Variants in MICU1 observed in about 807,000 individuals in gnomAD.
The protein encoded by MICU1 is mitochondrial calcium uptake 1, also known as calcium uptake protein 1, mitochondrial.
A neutral mutation model predicts 56.8 loss-of-function variants in MICU1; 45 were observed. The ratio of observed to expected loss-of-function variants is 0.79; its 90% CI spans 0.62 to 1.02. MICU1 has a LOEUF of 1.02. Ranked by LOEUF, MICU1 falls within the 50% of genes least tolerant of loss-of-function variation. The pLI is 0.00. For missense variants in MICU1, 504 were observed against 587.1 expected, an observed-to-expected ratio of 0.86 and a Z score of 1.46; for synonymous variants, 186 against 195.1, an observed-to-expected ratio of 0.95 and a Z score of 0.39.
At chr10:72,524,428 CAATT>C (rs1867909777) in intron 5 of MICU1, among the ~76,000 whole-genome samples, 2 of 152,108 alleles carry the variant, frequency 1.3e-5, no homozygotes, top group African/African-American at 2.4e-5. Context: ...TTAAGTGACT[CAATT>C]AATTAAGTAT....
chr10:72,487,415 T>C, intron 6 of MICU1, among the ~76,000 whole-genome samples: 1 of 152,186 alleles, frequency 6.6e-6, no homozygotes, highest in Admixed American at 6.5e-5. Context: ...ATCAAGTTCT[T>C]AAAGCATTTC....
intron 1 of MICU1, among the ~76,000 whole-genome samples, chr10:72,601,536 T>C (rs1841535050): frequency 6.6e-6 from 1 of 151,764 alleles, no homozygotes; most frequent in South Asian, 2.1e-4. Flanking sequence ...TCTGCATGTG[T>C]AGGAAAAGAA....
intron 5 of MICU1, among the ~76,000 whole-genome samples, chr10:72,513,157 T>C (rs911392968): frequency 1.3e-5 from 2 of 152,116 alleles, no homozygotes; most frequent in African/African-American, 4.8e-5. Flanking sequence ...ACAGCACCAT[T>C]TACATTCCCA....
intron 8 of MICU1, among the ~76,000 whole-genome samples, chr10:72,463,810 A>G (rs1352607058): frequency 2.0e-5 from 3 of 152,210 alleles, no homozygotes; most frequent in Non-Finnish European, 4.4e-5. Flanking sequence ...CTTAGACCAC[A>G]CGCATCATCA....
rs149910826 is a variant in MICU1, at chr10:72,497,922, G to A, written c.652+10233C>T. Among the ~76,000 whole-genome samples, 437 of 152,268 alleles carry A rather than the reference G, an allele frequency of 2.9e-3. 3 individuals are homozygous for A. Among genetic ancestry groups the A allele is most frequent in the African/African-American group, 9.9e-3 (411 of 41,558 alleles). On this transcript the variant is annotated intron_variant, in intron 6 of 11. Transcript: ENST00000361114. The stretch of plus-strand genomic sequence containing the variant: ...ATATCAGGTGCTCTGGAAATACAAA[G>A]CCATATGACATAGTTCCCACTTCAA...
At chr10:72,547,096 T>C (rs796828362) in intron 4 of MICU1, among the ~76,000 whole-genome samples, 1 of 152,078 alleles carries the variant, frequency 6.6e-6, no homozygotes, top group African/African-American at 2.4e-5. Context: ...GGTTTCACCA[T>C]GTTAGCCAGG....
chr10:72,443,288 A>G (rs1314893074), intron 8 of MICU1, among the ~76,000 whole-genome samples: 1 of 152,108 alleles, frequency 6.6e-6, no homozygotes, highest in African/African-American at 2.4e-5. Context: ...TCAGATGAGT[A>G]GGTTGCGAAA....
intron 5 of MICU1, chr10:72,532,756 C>T (rs576413450): frequency 1.8e-6 from 1 of 570,692 alleles, no homozygotes; most frequent in East Asian, 1.5e-4. Flanking sequence ...CATTTTAAGG[C>T]ACTGTGCCAC....
chr10:72,521,677 A>G (rs1175508655), intron 5 of MICU1, among the ~76,000 whole-genome samples: 1 of 152,098 alleles, frequency 6.6e-6, no homozygotes. Context: ...ATGAATCATT[A>G]TATGTTACAT....
intron 3 of MICU1, among the ~76,000 whole-genome samples, chr10:72,554,466 T>C (rs1462700806): frequency 6.6e-6 from 1 of 152,160 alleles, no homozygotes; most frequent in Non-Finnish European, 1.5e-5. Flanking sequence ...ACACGCTGAA[T>C]TGCACTGAGA....
At position 72,508,538 on chromosome 10, in the gene MICU1, C is replaced by T. The variant is rs1244090503; in HGVS notation, c.538-269G>A. On this transcript the variant is annotated intron_variant, in intron 5 of 11. Coordinates refer to ENST00000361114, the MANE Select transcript of MICU1 (RefSeq NM_001195518.2). ...AGAACCCTCTGCCATTGCACATATA[C>T]AGGCCCACTTCAGAACAGGTTTTGT... 14 of 231,456 alleles carry T rather than the reference C, an allele frequency of 6.0e-5. No homozygotes were observed. In the East Asian group the frequency reaches 9.1e-4, roughly 15 times the overall value. The allele number at this position is 231,456 out of a possible 1,614,324, so 14.3% of individuals were successfully genotyped here. A position where few individuals can be genotyped will look rare whatever the true frequency, so the allele number is the denominator to read the frequency against.
intron 2 of MICU1, among the ~76,000 whole-genome samples, chr10:72,564,544 G>GAAA (rs11465166): frequency 8.4e-5 from 9 of 107,396 alleles, no homozygotes; most frequent in Middle Eastern, 5.0e-3. Flanking sequence ...ATCTCAAAAA[G>GAAA]AAAAAAAAAA....
intron 8 of MICU1, among the ~76,000 whole-genome samples, chr10:72,447,227 G>C (rs1487055363): frequency 1.3e-5 from 2 of 152,098 alleles, no homozygotes; most frequent in Non-Finnish European, 2.9e-5. Context: ...TAGGTTGAGG[G>C]ATAATAATGT....
Position 72,439,285 on chromosome 10 carries a change from A to T in MICU1, c.934-15914T>A, listed in dbSNP as rs547030357. ...AAACATAATCCATCACATAAACAGAACCAATGACAAAAACCACATGATTAT... is the reference window on the plus strand; with the variant it reads ...AAACATAATCCATCACATAAACAGATCCAATGACAAAAACCACATGATTAT... On this transcript the variant is annotated intron_variant, in intron 8 of 11. Transcript: ENST00000361114. Among the ~76,000 whole-genome samples, 10 of 152,314 alleles carry T rather than the reference A, an allele frequency of 6.6e-5. No individual in the cohort carries two copies. The East Asian group carries it at 1.9e-3, about 29-fold the overall frequency.
Position 72,418,071 on chromosome 10 carries a change from C to T in MICU1, c.1071+5163G>A, listed in dbSNP as rs1385555742. Among the ~76,000 whole-genome samples the T allele has an allele frequency of 2.6e-5, 4 of 152,112 alleles. No homozygotes were observed. In the South Asian group the frequency reaches 6.2e-4, roughly 24 times the overall value. On this transcript the variant is annotated intron_variant, in intron 9 of 11. Coordinates refer to ENST00000361114, the MANE Select transcript of MICU1 (RefSeq NM_001195518.2). ...TGAAGGGGGAAGCCTTTTATGAAACCATCAGATCTCATGAGAACTAACTCA... is the reference window on the plus strand; with the variant it reads ...TGAAGGGGGAAGCCTTTTATGAAACTATCAGATCTCATGAGAACTAACTCA...
intron 1 of MICU1, among the ~76,000 whole-genome samples, chr10:72,615,493 A>C (rs1841954779): frequency 6.6e-6 from 1 of 152,090 alleles, no homozygotes; most frequent in East Asian, 1.9e-4. Flanking sequence ...TAAAGGTTAG[A>C]TCACAGTCAA....
At chr10:72,609,300 G>A (rs138316721) in intron 1 of MICU1, among the ~76,000 whole-genome samples, 2 of 152,188 alleles carry the variant, frequency 1.3e-5, no homozygotes, top group Non-Finnish European at 2.9e-5. Context: ...AGTGGCAATA[G>A]CTGCATGACA....
intron 4 of MICU1, among the ~76,000 whole-genome samples, chr10:72,547,035 G>A (rs550493037): frequency 5.2e-4 from 79 of 152,170 alleles, no homozygotes; most frequent in Middle Eastern, 3.4e-3. Context: ...GGGACTACAG[G>A]CGCTCGCCAC....
At chr10:72,543,691 C>T (rs1038542249) in intron 4 of MICU1, among the ~76,000 whole-genome samples, 3 of 151,882 alleles carry the variant, frequency 2.0e-5, no homozygotes, top group Admixed American at 6.6e-5. Context: ...CCATCTCTAC[C>T]AAAAATACAA....
Sources: allele counts gnomAD v4.1 joint callset (sites outside exome capture counted in the v4.1 genomes callset), GRCh38; gene constraint gnomAD v4.1.1; transcripts MANE v1.5; gene names NCBI Gene and HGNC (gene_info 2026-07-23, HGNC 2026-07-21).